Variants in GRM5 observed in about 807,000 individuals in gnomAD.
GRM5 encodes the protein glutamate metabotropic receptor 5.
Under a neutral mutation model 83.1 loss-of-function variants are expected in GRM5, and 19 were observed. The observed-to-expected ratio is 0.23, with a 90% confidence interval of 0.16 to 0.34. GRM5 has a LOEUF of 0.34. Among genes scored for constraint, GRM5 ranks in the 10% least tolerant of loss-of-function variants. GRM5 has a pLI of 1.00. For synonymous variants in GRM5, 675 were observed against 633.6 expected, an observed-to-expected ratio of 1.07 and a Z score of -0.98; for missense variants, 1,160 against 1,588.3, an observed-to-expected ratio of 0.73 and a Z score of 4.58.
At chr11:88,751,654 G>A (rs867189090) in intron 3 of GRM5, among the ~76,000 whole-genome samples, 17 of 150,492 alleles carry the variant, frequency 1.1e-4, no homozygotes, top group African/African-American at 2.9e-4. Context: ...TACAACAAAG[G>A]AAAGTTCAGG....
chr11:88,608,008 A>C (rs1334856993), intron 4 of GRM5, among the ~76,000 whole-genome samples: 2 of 152,234 alleles, frequency 1.3e-5, no homozygotes, highest in East Asian at 1.9e-4. Context: ...ACAGTAAGTC[A>C]TGTGACCCCA....
chr11:88,856,537 T>A (rs1944480247), intron 2 of GRM5, among the ~76,000 whole-genome samples: 1 of 152,032 alleles, frequency 6.6e-6, no homozygotes, highest in Non-Finnish European at 1.5e-5. Context: ...TTATGGTGAA[T>A]TTTTTAAATG....
At chr11:88,580,829 A>G (rs1943202212) in intron 7 of GRM5, among the ~76,000 whole-genome samples, 1 of 152,222 alleles carries the variant, frequency 6.6e-6, no homozygotes, top group Non-Finnish European at 1.5e-5. Context: ...TTACTTTCAA[A>G]TGTAGAAGAC....
intron 2 of GRM5, among the ~76,000 whole-genome samples, chr11:88,906,565 A>G (rs1291756587): frequency 3.9e-5 from 6 of 152,168 alleles, no homozygotes; most frequent in African/African-American, 1.4e-4. Context: ...TTACATTTCT[A>G]TGATAAATAG....
At chr11:88,616,389 G>GTTTTT (rs68153026) in intron 4 of GRM5, among the ~76,000 whole-genome samples, 2 of 95,776 alleles carry the variant, frequency 2.1e-5, no homozygotes, top group African/African-American at 7.5e-5. Flanking sequence ...GCTTTGGAGT[G>GTTTTT]TTTTTTTTTT....
intron 3 of GRM5, among the ~76,000 whole-genome samples, chr11:88,784,034 C>T (rs1943022376): frequency 1.3e-5 from 2 of 152,030 alleles, no homozygotes; most frequent in Non-Finnish European, 2.9e-5. Flanking sequence ...TTCTTCCCAG[C>T]TTCTAATGAT....
intron 2 of GRM5, among the ~76,000 whole-genome samples, chr11:89,039,219 C>T (rs930427001): frequency 9.3e-5 from 14 of 151,336 alleles, no homozygotes; most frequent in Non-Finnish European, 2.1e-4. Flanking sequence ...GAGCCGAGAT[C>T]GCGCCACTGC....
intron 7 of GRM5, among the ~76,000 whole-genome samples, chr11:88,581,032 C>A (rs12281166): frequency 6.6e-6 from 1 of 152,006 alleles, no homozygotes; most frequent in African/African-American, 2.4e-5. Context: ...TGCTTGAACC[C>A]GGGAGGCGGA....
chr11:88,985,195 T>C (rs1400970160), intron 2 of GRM5, among the ~76,000 whole-genome samples: 1 of 152,124 alleles, frequency 6.6e-6, no homozygotes, highest in Non-Finnish European at 1.5e-5. Context: ...ACTATTTTCA[T>C]ACCCACAATC....
At chr11:89,050,761 G>A (rs1359560562) in intron 1 of GRM5, among the ~76,000 whole-genome samples, 4 of 152,118 alleles carry the variant, frequency 2.6e-5, no homozygotes, top group East Asian at 1.9e-4. Flanking sequence ...TATACACCAC[G>A]GAATACTATA....
chr11:88,868,389 C>T (rs528538374), intron 2 of GRM5, among the ~76,000 whole-genome samples: 164 of 151,840 alleles, frequency 1.1e-3, no homozygotes, highest in Non-Finnish European at 1.8e-3. Context: ...TCATCTATAA[C>T]ATTTTCATAA....
Position 88,506,470 on chromosome 11 carries a change from A to G in GRM5, c.*2122T>C, listed in dbSNP as rs1591306999. ...AGGATCCAAAGGGTATTAACACCTC[A>G]AAAGATTTCCATTTGTTTTTCAGAT... On this transcript the variant is annotated 3_prime_UTR_variant, in exon 10 of 10. Transcript: ENST00000305447. 1 of 152,314 alleles carries G rather than the reference A, an allele frequency of 6.6e-6. No individual in the cohort carries two copies. The highest frequency in any genetic ancestry group is 1.9e-4 in the East Asian group (1 of 5,182). 9.4% of individuals were successfully genotyped at this position (152,314 alleles called of 1,614,324 possible). A position where few individuals can be genotyped will look rare whatever the true frequency, so the allele number is the denominator to read the frequency against.
rs144512549 is a variant in GRM5, at chr11:88,928,400, A to G, written c.662-78245T>C. On this transcript the variant is annotated intron_variant, in intron 2 of 9. Coordinates refer to ENST00000305447, the MANE Select transcript of GRM5 (RefSeq NM_001143831.3). ...CCAAAGAGTAGTTGTGGGTCTGTGA[A>G]TCCATAAGTGTACCAAGTTTCATCT... Among the ~76,000 whole-genome samples the G allele has an allele frequency of 3.4e-4, 52 of 151,812 alleles. No homozygotes were observed. In the East Asian group the frequency reaches 9.1e-3, roughly 27 times the overall value.
At chr11:89,048,246 C>A (rs1008136942) in intron 1 of GRM5, among the ~76,000 whole-genome samples, 174 bp from the exon 2 acceptor site, 1 of 152,184 alleles carries the variant, frequency 6.6e-6, no homozygotes, top group African/African-American at 2.4e-5. Flanking sequence ...TTTGATGAAG[C>A]AGCTGATGTA....
chr11:88,683,349 A>G (rs1004121135), intron 3 of GRM5, among the ~76,000 whole-genome samples: 7 of 152,352 alleles, frequency 4.6e-5, no homozygotes, highest in African/African-American at 1.4e-4. Flanking sequence ...CTATGCTGTC[A>G]CCAGCGAAAA....
intron 2 of GRM5, among the ~76,000 whole-genome samples, chr11:88,980,914 A>T (rs888650309): frequency 3.9e-5 from 6 of 152,192 alleles, no homozygotes; most frequent in Non-Finnish European, 7.3e-5. Context: ...ACAAATGGTG[A>T]TGTAAAATAT....
rs1940788252 is a variant in GRM5, at chr11:88,691,862, A to G, written c.912-38459T>C. Among the ~76,000 whole-genome samples the G allele has an allele frequency of 2.6e-5, 4 of 152,218 alleles. 1 individual carries two copies. The South Asian group carries it at 8.3e-4, about 32-fold the overall frequency. ...CAACAATCGACAATCTGGTTCTACA[A>G]TAAACTTTTTATAATGTAAATTTTA... On this transcript the variant is annotated intron_variant, in intron 3 of 9. Transcript: ENST00000305447.
In GRM5 at chr11:88,507,595, A is replaced by G. The variant is rs1941211533; in HGVS notation, c.*997T>C. 1 of 152,240 alleles carries G rather than the reference A, an allele frequency of 6.6e-6. No homozygotes were observed. Among genetic ancestry groups the G allele is most frequent in the Non-Finnish European group, 1.5e-5 (1 of 68,034 alleles). The allele number at this position is 152,240 out of a possible 1,614,324, so 9.4% of individuals were successfully genotyped here. On this transcript the variant is annotated 3_prime_UTR_variant, in exon 10 of 10. Transcript: ENST00000305447. Reference sequence around the variant, plus strand: ...TCTTTGTGCATCAGGTTCTCAAAATAAAGGAATGAAGAAGCCCCAATGCAT... The same window carrying G: ...TCTTTGTGCATCAGGTTCTCAAAATGAAGGAATGAAGAAGCCCCAATGCAT...
At chr11:88,845,277 T>G (rs185799624) in intron 3 of GRM5, among the ~76,000 whole-genome samples, 5 of 150,426 alleles carry the variant, frequency 3.3e-5, no homozygotes, top group Admixed American at 3.3e-4. Flanking sequence ...GACCCTCAAC[T>G]AGCAAAAAGA....
Sources: gnomAD v4.1 joint callset for allele counts (sites outside exome capture counted in the v4.1 genomes callset) on GRCh38, gnomAD v4.1.1 for gene constraint, MANE v1.5 for transcripts, NCBI Gene and HGNC (gene_info 2026-07-23, HGNC 2026-07-21) for gene names.